Variants in SPECC1 observed in about 807,000 individuals in gnomAD.
SPECC1 encodes the protein cytospin-B.
In SPECC1, 62 loss-of-function variants were observed where a neutral mutation model predicts 104.1. The observed-to-expected ratio is 0.60, with a 90% CI of 0.49 to 0.74. The LOEUF (loss-of-function observed/expected upper bound fraction) is 0.74. Ranked by LOEUF, SPECC1 falls within the 30% of genes least tolerant of loss-of-function variation. The pLI is 0.00. For synonymous variants in SPECC1, 513 were observed against 501.6 expected, an observed-to-expected ratio of 1.02 and a Z score of -0.30; for missense variants, 1,306 against 1,310.5, an observed-to-expected ratio of 1.00 and a Z score of 0.05.
At chr17:20,270,361 C>T (rs1407834437) in intron 12 of SPECC1, among the ~76,000 whole-genome samples, 3 of 136,082 alleles carry the variant, frequency 2.2e-5, no homozygotes, top group African/African-American at 8.4e-5. Context: ...CTTTGAGGGG[C>T]CAAGGCAGGA....
At chr17:20,182,313 G>A (rs2034964664) in intron 3 of SPECC1, among the ~76,000 whole-genome samples, 1 of 151,846 alleles carries the variant, frequency 6.6e-6, no homozygotes, top group Admixed American at 6.6e-5. Context: ...ACAAGGTTTT[G>A]CCGTGTTGCT....
chr17:20,064,410 A>G (rs953008129), intron 1 of SPECC1, among the ~76,000 whole-genome samples: 5 of 152,198 alleles, frequency 3.3e-5, no homozygotes, highest in Non-Finnish European at 5.9e-5. Flanking sequence ...CAAAAGGGTA[A>G]CTGCTTTTCT....
In SPECC1 at chr17:20,283,033, A is replaced by G. The variant is rs955588763; in HGVS notation, c.2941-13928A>G. Among the ~76,000 whole-genome samples, 9 of 152,034 alleles carry G rather than the reference A, an allele frequency of 5.9e-5. No individual in the cohort carries two copies. In the East Asian group the frequency reaches 1.5e-3, roughly 26 times the overall value. ...ATCTCTAAGAAAAGATGAAAAAAAA[A>G]ATTAGCCAGGCATGGTGGCTTCCAC... is the stretch of plus-strand genomic sequence containing the variant. On this transcript the variant is annotated intron_variant, in intron 12 of 14. Transcript: ENST00000395527.
intron 3 of SPECC1, among the ~76,000 whole-genome samples, chr17:20,175,797 C>T (rs1377774739): frequency 3.3e-5 from 5 of 152,116 alleles, no homozygotes; most frequent in African/African-American, 1.2e-4. Flanking sequence ...GGGCCTCTGC[C>T]GGGTGGGACA....
chr17:20,019,207 CATTCATTTATTTATTTATTT>C (rs1189742396), intron 1 of SPECC1, among the ~76,000 whole-genome samples: 9,510 of 127,210 alleles, frequency 0.075, 423 homozygotes, highest in Middle Eastern at 0.1. Flanking sequence ...AAGACCCTAT[CATTCATTTATTTATTTATTT>C]ATTTATTTAT....
At chr17:20,090,039 G>C (rs1331646827) in intron 1 of SPECC1, among the ~76,000 whole-genome samples, 1 of 152,232 alleles carries the variant, frequency 6.6e-6, no homozygotes, top group Non-Finnish European at 1.5e-5. Flanking sequence ...CCAACAAGGA[G>C]AGGCATACGT....
intron 3 of SPECC1, among the ~76,000 whole-genome samples, chr17:20,174,775 C>T (rs544418033): frequency 6.6e-6 from 1 of 152,072 alleles, no homozygotes. Flanking sequence ...CAGGTCCCGC[C>T]GGCATTCAGC....
Position 20,278,892 on chromosome 17 carries a change from G to A in SPECC1, c.2941-18069G>A, listed in dbSNP as rs1461305922. Among the ~76,000 whole-genome samples, 12 of 152,280 alleles carry A rather than the reference G, an allele frequency of 7.9e-5. No homozygotes were observed. The East Asian group carries it at 2.3e-3, about 29-fold the overall frequency. On this transcript the variant is annotated intron_variant, in intron 12 of 14. Transcript: ENST00000395527. ...AAAAACAGGATTTTCAAAATAAAAT[G>A]TTATAAGAATGTGTCATCCTCCTGG...
At chr17:20,023,541 G>GGC (rs1422344509) in intron 1 of SPECC1, among the ~76,000 whole-genome samples, 1 of 151,996 alleles carries the variant, frequency 6.6e-6, no homozygotes, top group Non-Finnish European at 1.5e-5. Context: ...TTGGGAGCAG[G>GGC]GCATGTCAGG....
In SPECC1 at chr17:20,172,758, C is replaced by T. The variant is rs557807898; in HGVS notation, c.284-31575C>T. 2.0e-5 allele frequency among the ~76,000 whole-genome samples: 3 copies of T among 152,286 alleles called. No homozygotes were observed. The South Asian group carries it at 6.2e-4, about 32-fold the overall frequency. ...CCTTGATGAGTTTTAATCTGCTTTA[C>T]CCCTCAAGGCTGTAAGAGTCAGATC... On this transcript the variant is annotated intron_variant, in intron 3 of 14. Transcript: ENST00000395527.
rs1255303594 is a variant in SPECC1 at position 20,227,527 on chromosome 17, G to A, written c.1978G>A (p.Asp660Asn). The change falls in exon 5 of 15, where the codon GAC (aspartate) becomes AAC (asparagine). Residue 660 changes from aspartate to asparagine, a missense_variant. This residue lies in a region of SPECC1 where 1,177 missense variants were observed against 1,139.9 expected (regional missense o/e 1.03). Coordinates refer to ENST00000395527, the MANE Select transcript of SPECC1 (RefSeq NM_001243439.2). ...ATCAGAGAGTGATGCAGAGATCAAA[G>A]ACATGAAAGAAACCATATTTGAATT... Reference protein sequence around the residue: ...KASESDAEIKDMKETIFELED... With the variant: ...KASESDAEIKNMKETIFELED... 6.2e-7 allele frequency: 1 copy of A among 1,613,154 alleles called. No individual in the cohort carries two copies. Among genetic ancestry groups the A allele is most frequent in the Non-Finnish European group, 8.5e-7 (1 of 1,179,748 alleles).
chr17:20,028,150 C>T lies in SPECC1; in HGVS notation c.-22+18726C>T, dbSNP rs556389937. Among the ~76,000 whole-genome samples the T allele has an allele frequency of 3.9e-5, 6 of 152,016 alleles. No homozygotes were observed. In the South Asian group the frequency reaches 1.3e-3, roughly 32 times the overall value. ...TTTTTTCATGTGACTATCTGATTAT[C>T]CCAGACCTATTTGTTGAAAAGAATG... is the stretch of plus-strand genomic sequence containing the variant. On this transcript the variant is annotated intron_variant, in intron 1 of 14. Coordinates refer to ENST00000395527, the MANE Select transcript of SPECC1 (RefSeq NM_001243439.2).
Position 20,033,574 on chromosome 17 carries a change from G to A in SPECC1, c.-22+24150G>A, listed in dbSNP as rs573701286. Among the ~76,000 whole-genome samples the A allele has an allele frequency of 1.6e-4, 25 of 152,282 alleles. No homozygotes were observed. In the South Asian group the frequency reaches 5.2e-3, roughly 32 times the overall value. On this transcript the variant is annotated intron_variant, in intron 1 of 14. Transcript: ENST00000395527. ...GCTGCTTCCACTCATTGCATAAAGG[G>A]AAGGGGAACCAGTGAGATCACATGG...
intron 3 of SPECC1, among the ~76,000 whole-genome samples, chr17:20,194,502 A>ATTATTTT: frequency 0.023 from 1,981 of 86,466 alleles, 295 homozygotes; most frequent in Non-Finnish European, 0.031. Flanking sequence ...AAGAGAACGA[A>ATTATTTT]TTTTTTTTTT....
At chr17:20,156,280 C>CA (rs1254857508) in intron 3 of SPECC1, 1 of 1,328,254 alleles carries the variant, frequency 7.5e-7, no homozygotes, top group Non-Finnish European at 9.7e-7. Flanking sequence ...GCAACCCCAC[C>CA]CCCCCTCCAG....
At chr17:20,084,579 C>CT (rs1380904501) in intron 1 of SPECC1, among the ~76,000 whole-genome samples, 3 of 152,118 alleles carry the variant, frequency 2.0e-5, no homozygotes, top group African/African-American at 4.8e-5. Context: ...TTGACAATGT[C>CT]TTTTGAAGAC....
At chr17:20,051,348 G>A (rs974063540) in intron 1 of SPECC1, among the ~76,000 whole-genome samples, 2 of 151,864 alleles carry the variant, frequency 1.3e-5, no homozygotes, top group Admixed American at 6.6e-5. Context: ...GATAATTTCT[G>A]TATTTTTAGT....
Position 20,096,700 on chromosome 17 carries a change from C to G in SPECC1, c.49C>G (p.His17Asp). 1 of 1,614,192 alleles carries G rather than the reference C, an allele frequency of 6.2e-7. No individual in the cohort carries two copies. The highest frequency in any genetic ancestry group is 8.5e-7 in the Non-Finnish European group (1 of 1,180,004). The change falls in exon 2 of 15, where the codon CAC (histidine) becomes GAC (aspartate). Residue 17 changes from histidine (H) to aspartate (D), a missense_variant. By Grantham distance (81) the His-to-Asp change is moderately conservative (BLOSUM62 -1). This residue lies in a region of SPECC1 where 1,177 missense variants were observed against 1,139.9 expected (regional missense o/e 1.03). Coordinates refer to ENST00000395527, the MANE Select transcript of SPECC1 (RefSeq NM_001243439.2). ...GAACCCAGCCATCAGAGCAGGGGGC[C>G]ACGGCCCAGACCGGGTGCGGCCTCT... ...PWNPAIRAGG[H>D]GPDRVRPLPA...
chr17:20,217,757 A>G (rs1006227848), intron 4 of SPECC1, among the ~76,000 whole-genome samples: 1 of 151,786 alleles, frequency 6.6e-6, no homozygotes, highest in Non-Finnish European at 1.5e-5. Context: ...TTCTCCTTAA[A>G]TTCATCTTCT....
Sources: gnomAD v4.1 joint callset for allele counts (sites outside exome capture counted in the v4.1 genomes callset) on GRCh38, gnomAD v4.1.1 for gene constraint, gnomAD v4.1.1 regional missense constraint, MANE v1.5 for transcripts, NCBI Gene and HGNC (gene_info 2026-07-23, HGNC 2026-07-21) for gene names.